Variants in PLEKHA6 observed in about 807,000 individuals in gnomAD.
PLEKHA6 encodes the protein pleckstrin homology domain-containing family A member 6.
A neutral mutation model predicts 116.7 loss-of-function variants in PLEKHA6; 60 were observed. The ratio of observed to expected loss-of-function variants is 0.51; its 90% CI spans 0.42 to 0.64. The LOEUF (loss-of-function observed/expected upper bound fraction) is 0.64. Ranked by LOEUF, PLEKHA6 falls within the 30% of genes least tolerant of loss-of-function variation. The probability of loss-of-function intolerance (pLI) is 0.00; values close to 1 mark genes in which losing one functional copy is unlikely to be tolerated. For missense variants in PLEKHA6, 1,338 were observed against 1,422.7 expected, an observed-to-expected ratio of 0.94 and a Z score of 0.96; for synonymous variants, 489 against 556.1, an observed-to-expected ratio of 0.88 and a Z score of 1.70.
rs747030866 is a variant in PLEKHA6 at position 204,261,316 on chromosome 1, C to A, written c.514G>T (p.Val172Leu). Residue 172 changes from valine to leucine, a missense_variant, in exon 7 of 23, where the codon GTG (valine) becomes TTG (leucine). Around this residue, in one of 3 missense-constraint regions of PLEKHA6, gnomAD observed 140 missense variants for 197.4 expected, o/e 0.71. Transcript: ENST00000272203. The surrounding 1 kb of genome is among the most constrained non-coding windows in gnomAD (Gnocchi z 4.0). ...TTCCCTGGCACTCACCTGTGCCGCA[C>A]AGCTTGGGGCACTGACTTCTGGGCT... ...PPAQKSVPQA[V>L]RHSHEKPDSE... 1.2e-6 allele frequency: 2 copies of A among 1,614,094 alleles called. No individual in the cohort carries two copies. Among genetic ancestry groups the A allele is most frequent in the African/African-American group, 2.7e-5 (2 of 74,932 alleles).
intron 1 of PLEKHA6, among the ~76,000 whole-genome samples, chr1:204,279,273 G>A (rs536455497): frequency 1.2e-3 from 179 of 152,304 alleles, no homozygotes; most frequent in Admixed American, 2.0e-3. Flanking sequence ...TAGCACAAGG[G>A]AGTAGGAACG....
chr1:204,227,982 C>A, intron 21 of PLEKHA6, 101 bp downstream of exon 21: 1 of 1,213,818 alleles, frequency 8.2e-7, no homozygotes, highest in Non-Finnish European at 1.1e-6. Context: ...AGCCTTGTAT[C>A]TCTTTGCTAC....
intron 1 of PLEKHA6, chr1:204,313,752 A>G (rs1671750798): frequency 2.1e-6 from 2 of 962,474 alleles, no homozygotes; most frequent in Admixed American, 6.2e-5. Flanking sequence ...CATGGTCATT[A>G]GCAGAGAGCA....
chr1:204,356,561 T>TG (rs1191091304), intron 1 of PLEKHA6, among the ~76,000 whole-genome samples: 1 of 150,402 alleles, frequency 6.6e-6, no homozygotes, highest in Non-Finnish European at 1.5e-5. Flanking sequence ...AACAAGGCCC[T>TG]GTCTCAAATA....
At chr1:204,323,600 G>C (rs1326601955) in intron 1 of PLEKHA6, among the ~76,000 whole-genome samples, 1 of 152,240 alleles carries the variant, frequency 6.6e-6, no homozygotes, top group African/African-American at 2.4e-5. Context: ...ATTATAAACT[G>C]CTTGTGTAAC....
chr1:204,300,347 G>A (rs1438498114), intron 1 of PLEKHA6, among the ~76,000 whole-genome samples: 1 of 152,212 alleles, frequency 6.6e-6, no homozygotes, highest in Non-Finnish European at 1.5e-5. Flanking sequence ...GCGTGGGGAA[G>A]CAGGAAGCAC....
chr1:204,286,286 A>G (rs1483840214), intron 1 of PLEKHA6, among the ~76,000 whole-genome samples: 1 of 152,094 alleles, frequency 6.6e-6, no homozygotes, highest in Non-Finnish European at 1.5e-5. Context: ...AGGAAAAGAG[A>G]GGGCCTGAGA....
Position 204,245,649 on chromosome 1 carries a change from G to T in PLEKHA6, c.1998C>A (p.Asn666Lys), listed in dbSNP as rs758438654. Reference sequence around the variant, plus strand: ...TGGCGGTGTCCGTGCCCCGGGAGGGGTTGTTCTTCCTCAGCCCCTCCATCA... The same window carrying T: ...TGGCGGTGTCCGTGCCCCGGGAGGGTTTGTTCTTCCTCAGCCCCTCCATCA... Reference protein sequence around the residue: ...QDVMEGLRKNNPSRGTDTAKH... With the variant: ...QDVMEGLRKNKPSRGTDTAKH... Residue 666 changes from asparagine to lysine, a missense_variant, in exon 14 of 23, where the codon AAC becomes AAA. Transcript: ENST00000272203. 1.7e-5 allele frequency: 27 copies of T among 1,613,334 alleles called. 1 individual carries two copies. Among genetic ancestry groups the T allele is most frequent in the South Asian group, 1.4e-4 (13 of 91,078 alleles).
Position 204,264,968 on chromosome 1 carries a change from T to C in PLEKHA6, c.355A>G (p.Asn119Asp). The part of the protein sequence containing the change: ...FRVAAVQPSD[N>D]ISRKHTFKAE... ...TTAAACGTGTGTTTCCGGCTGATGT[T>C]GTCTGAGGGCTGCACTGCGGCTACC... The change falls in exon 6 of 23, where the codon AAC becomes GAC. Residue 119 changes from asparagine to aspartate, a missense_variant. Coordinates refer to ENST00000272203, the MANE Select transcript of PLEKHA6 (RefSeq NM_014935.5). 2 of 1,613,966 alleles carry C rather than the reference T, an allele frequency of 1.2e-6. No homozygotes were observed. Among genetic ancestry groups the C allele is most frequent in the South Asian group, 1.1e-5 (1 of 91,076 alleles).
In PLEKHA6 at chr1:204,259,533, C is replaced by T. The variant is rs1320965659; in HGVS notation, c.732G>A (p.Glu244=). Residue 244 remains glutamate, a synonymous_variant, in exon 8 of 23, where the codon GAG becomes GAA. Coordinates refer to ENST00000272203, the MANE Select transcript of PLEKHA6 (RefSeq NM_014935.5). The surrounding 1 kb of genome is among the most constrained non-coding windows in gnomAD (Gnocchi z 4.6). ...VKANGLPAGP[E]PASEPGSPYP... ...AAGGGCTGCCCGGCTCTGAGGCTGG[C>T]TCCGGTCCAGCTGGGAGGCCATTGG... The T allele has an allele frequency of 6.2e-7, 1 of 1,614,126 alleles. No individual in the cohort carries two copies. The highest frequency in any genetic ancestry group is 1.7e-5 in the Admixed American group (1 of 60,036).
intron 1 of PLEKHA6, 113 bp from the exon 2 acceptor site, chr1:204,274,922 T>C (rs770621515): frequency 1.0e-5 from 10 of 971,014 alleles, no homozygotes; most frequent in Non-Finnish European, 1.2e-5. Flanking sequence ...GTAAGGAGCT[T>C]GTGCCTCTGT....
chr1:204,280,536 C>T (rs974616366), intron 1 of PLEKHA6: 2 of 873,876 alleles, frequency 2.3e-6, no homozygotes, highest in African/African-American at 1.8e-5. Context: ...GCCCAGCTTC[C>T]CCATCCTGAG....
chr1:204,364,129 A>G (rs763134391), upstream of PLEKHA6, among the ~76,000 whole-genome samples: 1 of 152,216 alleles, frequency 6.6e-6, no homozygotes, highest in Non-Finnish European at 1.5e-5. Flanking sequence ...ACTAAAAGAA[A>G]CAAAATAACT....
rs374681452 is a variant in PLEKHA6 at position 204,263,550 on chromosome 1, G to A, written c.381+1392C>T. Among the ~76,000 whole-genome samples the A allele has an allele frequency of 1.9e-4, 29 of 152,224 alleles. No homozygotes were observed. In the South Asian group the frequency reaches 4.8e-3, roughly 25 times the overall value. ...CAGAGTCAGGTTTAAAAGAGGCAGCGCAGTGTGGGGGAAGGAGGCGAGGGG... is the reference window on the plus strand; with the variant it reads ...CAGAGTCAGGTTTAAAAGAGGCAGCACAGTGTGGGGGAAGGAGGCGAGGGG... On this transcript the variant is annotated intron_variant, in intron 6 of 22. Transcript: ENST00000272203.
At chr1:204,265,120 G>T in intron 5 of PLEKHA6, 78 bp from the exon 6 acceptor site, 1 of 947,036 alleles carries the variant, frequency 1.1e-6, no homozygotes, top group Non-Finnish European at 1.7e-6. Context: ...GGGGAGGAGT[G>T]TGTTGTCCCT....
intron 1 of PLEKHA6, chr1:204,317,162 T>C: frequency 4.2e-6 from 3 of 710,582 alleles, no homozygotes; most frequent in Non-Finnish European, 5.2e-6. Flanking sequence ...AATATAAAAA[T>C]GTCTCAGAAA....
rs1660693347 is a variant in PLEKHA6, at chr1:204,228,492, G to A, written c.2885+236C>T. 6.6e-6 allele frequency among the ~76,000 whole-genome samples: 1 copy of A among 152,132 alleles called. No individual in the cohort carries two copies. Among genetic ancestry groups the A allele is most frequent in the African/African-American group, 2.4e-5 (1 of 41,432 alleles). ...GAAGGGGAAAAGAAGTCACCAGAGG[G>A]CGAGCCTTCAGTTTTGTCTCGATGG... On this transcript the variant is annotated intron_variant, in intron 20 of 22. Coordinates refer to ENST00000272203, the MANE Select transcript of PLEKHA6 (RefSeq NM_014935.5). The surrounding 1 kb of genome is among the most constrained non-coding windows in gnomAD (Gnocchi z 4.0).
At chr1:204,327,296 G>A (rs926950831) in intron 1 of PLEKHA6, among the ~76,000 whole-genome samples, 7 of 152,048 alleles carry the variant, frequency 4.6e-5, no homozygotes, top group African/African-American at 7.2e-5. Flanking sequence ...CCCACCTGGC[G>A]CTGAGGCCTC....
At chr1:204,320,363 G>T in intron 1 of PLEKHA6, 1 of 356,448 alleles carries the variant, frequency 2.8e-6, no homozygotes, top group Non-Finnish European at 3.9e-6. Flanking sequence ...GGGAGCTGGT[G>T]CCAGCAGGGC....
Sources: gnomAD v4.1 joint callset for allele counts (sites outside exome capture counted in the v4.1 genomes callset) on GRCh38, gnomAD v4.1.1 for gene constraint, gnomAD v4.1.1 regional missense constraint, Gnocchi (gnomAD v3.1) non-coding constraint, MANE v1.5 for transcripts, NCBI Gene and HGNC (gene_info 2026-07-23, HGNC 2026-07-21) for gene names.